PACS2: variants seen among roughly 807,000 people sequenced by gnomAD.
PACS2 encodes PACS1-like protein.
A neutral mutation model predicts 113.0 loss-of-function variants in PACS2; 36 were observed. The ratio of observed to expected loss-of-function variants is 0.32; its 90% CI spans 0.24 to 0.42. PACS2 has a LOEUF of 0.42. Among genes scored for constraint, PACS2 ranks in the 10% least tolerant of loss-of-function variants. PACS2 has a pLI of 1.00. For synonymous variants in PACS2, 589 were observed against 536.1 expected (o/e 1.10, Z -1.36); for missense variants, 1,015 against 1,239.5 (o/e 0.82, Z 2.72).
At position 105,391,581 on chromosome 14, in the gene PACS2, C is replaced by T. The variant is rs184698395; in HGVS notation, c.2120-50C>T. On this transcript the variant is annotated intron_variant, in intron 21 of 24. Transcript: ENST00000447393. ...CTGGTCCGGAGGGCCTGGTGGCACC[C>T]GGGCAGAGCAGCAGGTGGGCTCAGC... The T allele has an allele frequency of 6.8e-4, 1,069 of 1,580,456 alleles. 15 individuals are homozygous for T. The East Asian group carries it at 0.018, about 27-fold the overall frequency.
At chr14:105,336,268 A>C (rs765405281) in intron 1 of PACS2, among the ~76,000 whole-genome samples, 1 of 152,192 alleles carries the variant, frequency 6.6e-6, no homozygotes, top group African/African-American at 2.4e-5. Context: ...TGGGGTTGAC[A>C]TGCGCCTCGA....
rs1396336288 is a variant in PACS2, at chr14:105,356,407, C to G, written c.423+1230C>G. Among the ~76,000 whole-genome samples, 2 of 152,224 alleles carry G rather than the reference C, an allele frequency of 1.3e-5. No homozygotes were observed. Among genetic ancestry groups the G allele is most frequent in the Non-Finnish European group, 2.9e-5 (2 of 68,024 alleles). Reference sequence around the variant, plus strand: ...ACAAGCTTTGCAGTCTTCCCGATTCCTTCGGCAAACCACGGACAGCACGGG... The same window carrying G: ...ACAAGCTTTGCAGTCTTCCCGATTCGTTCGGCAAACCACGGACAGCACGGG... On this transcript the variant is annotated intron_variant, in intron 4 of 24. Coordinates refer to ENST00000447393, the MANE Select transcript of PACS2 (RefSeq NM_001100913.3). This position sits in a 1 kb window ranked among gnomAD's most constrained non-coding sequence, Gnocchi z 4.0.
rs587709569 is a variant in PACS2 at position 105,333,822 on chromosome 14, G to A, written c.120-14671G>A. Among the ~76,000 whole-genome samples the A allele has an allele frequency of 3.9e-5, 6 of 152,356 alleles. No homozygotes were observed. The East Asian group carries it at 1.2e-3, about 29-fold the overall frequency. Reference sequence around the variant, plus strand: ...CCATGGCAGGGCTGCCCAGGACAGGGGCTTGGCCCCGGAGGCCTGCAGTGT... The same window carrying A: ...CCATGGCAGGGCTGCCCAGGACAGGAGCTTGGCCCCGGAGGCCTGCAGTGT... On this transcript the variant is annotated intron_variant, in intron 1 of 24. Coordinates refer to ENST00000447393, the MANE Select transcript of PACS2 (RefSeq NM_001100913.3).
rs1299432458 is a variant in PACS2 at position 105,376,419 on chromosome 14, T to C, written c.802-349T>C. 6.6e-6 allele frequency among the ~76,000 whole-genome samples: 1 copy of C among 152,022 alleles called. No individual in the cohort carries two copies. Among genetic ancestry groups the C allele is most frequent in the Non-Finnish European group, 1.5e-5 (1 of 67,994 alleles). ...AAGGCAAAGGGGAGCCTCCTGGGTG[T>C]GGGGAGCACTTTCTGTCTTGGTTTT... is the stretch of plus-strand genomic sequence containing the variant. On this transcript the variant is annotated intron_variant, in intron 8 of 24. Coordinates refer to ENST00000447393, the MANE Select transcript of PACS2 (RefSeq NM_001100913.3). The surrounding 1 kb of genome is among the most constrained non-coding windows in gnomAD (Gnocchi z 4.7).
At chr14:105,363,015 C>CT (rs1340436896) in intron 4 of PACS2, among the ~76,000 whole-genome samples, 1 of 152,004 alleles carries the variant, frequency 6.6e-6, no homozygotes, top group African/African-American at 2.4e-5. Flanking sequence ...TGAAAGGAAC[C>CT]TTTTTTTTCC....
chr14:105,389,737 CATGTCAGA>C (rs2081293398), intron 19 of PACS2: 8 of 590,700 alleles, frequency 1.4e-5, no homozygotes, highest in South Asian at 2.0e-5. Context: ...AGCATGTCAG[CATGTCAGA>C]AGGGGCCCAG....
chr14:105,314,534 G>C (rs1450378377), upstream of PACS2: 2 of 147,238 alleles, frequency 1.4e-5, no homozygotes, highest in Non-Finnish European at 3.0e-5. Flanking sequence ...CGGCGGGCGG[G>C]GACGCCCCGT....
rs28459604 is a variant in PACS2 at position 105,356,871 on chromosome 14, T to G, written c.423+1694T>G. Among the ~76,000 whole-genome samples the G allele has an allele frequency of 1.3e-4, 16 of 123,454 alleles. No individual in the cohort carries two copies. The highest frequency in any genetic ancestry group is 2.8e-4 in the African/African-American group (7 of 25,418). 81.0% of individuals were successfully genotyped at this position (123,454 alleles called of 152,430 possible). ...GGTCCCTGTGTTTCCCATTAGCCAT[T>G]CAGGCGATGTCCTGCTGATCCCTGC... On this transcript the variant is annotated intron_variant, in intron 4 of 24. Transcript: ENST00000447393. The surrounding 1 kb of genome is among the most constrained non-coding windows in gnomAD (Gnocchi z 4.0).
rs2058724336 is a variant in PACS2, at chr14:105,317,533, C to CTGGGTTGGGTG, written c.119+2496_119+2497insTGGGTTGGGTG. On this transcript the variant is annotated intron_variant, in intron 1 of 24. Transcript: ENST00000447393. The surrounding 1 kb of genome is among the most constrained non-coding windows in gnomAD (Gnocchi z 4.2). ...CAGTCTGGTGGGTGTGAAGTGGTATCGTGGTTTTAACTTGAATTTCTCTGA... is the reference window on the plus strand; with the variant it reads ...CAGTCTGGTGGGTGTGAAGTGGTATCTGGGTTGGGTGGTGGTTTTAACTTGAATTTCTCTGA... Among the ~76,000 whole-genome samples, 1 of 152,188 alleles carries CTGGGTTGGGTG rather than the reference C, an allele frequency of 6.6e-6. No homozygotes were observed. The highest frequency in any genetic ancestry group is 2.4e-5 in the African/African-American group (1 of 41,452).
intron 1 of PACS2, among the ~76,000 whole-genome samples, chr14:105,305,613 C>A (rs2058164128): frequency 6.6e-6 from 1 of 152,152 alleles, no homozygotes; most frequent in African/African-American, 2.4e-5. Context: ...TGTGAACCAA[C>A]TGAGGCAGGG....
rs2060565137 is a variant in PACS2 at position 105,358,991 on chromosome 14, C to T, written c.423+3814C>T. Among the ~76,000 whole-genome samples, 1 of 152,224 alleles carries T rather than the reference C, an allele frequency of 6.6e-6. No individual in the cohort carries two copies. Among genetic ancestry groups the T allele is most frequent in the African/African-American group, 2.4e-5 (1 of 41,454 alleles). Reference sequence around the variant, plus strand: ...CTGGACACTTCCTATCTCCTGATGACATGGTAGCCATCGTAACACCATAGC... The same window carrying T: ...CTGGACACTTCCTATCTCCTGATGATATGGTAGCCATCGTAACACCATAGC... On this transcript the variant is annotated intron_variant, in intron 4 of 24. Coordinates refer to ENST00000447393, the MANE Select transcript of PACS2 (RefSeq NM_001100913.3). This position sits in a 1 kb window ranked among gnomAD's most constrained non-coding sequence, Gnocchi z 4.9.
intron 1 of PACS2, among the ~76,000 whole-genome samples, chr14:105,341,870 G>T (rs1392719841): frequency 6.6e-6 from 1 of 152,190 alleles, no homozygotes; most frequent in African/African-American, 2.4e-5. Flanking sequence ...CTACGGGACC[G>T]CAAGCTGCGA....
rs993304528 is a variant in PACS2 at position 105,315,870 on chromosome 14, TAGAC to T, written c.119+836_119+839del. Among the ~76,000 whole-genome samples, 3 of 152,208 alleles carry T rather than the reference TAGAC, an allele frequency of 2.0e-5. No individual in the cohort carries two copies. Among genetic ancestry groups the T allele is most frequent in the Non-Finnish European group, 2.9e-5 (2 of 68,030 alleles). On this transcript the variant is annotated intron_variant, in intron 1 of 24. Coordinates refer to ENST00000447393, the MANE Select transcript of PACS2 (RefSeq NM_001100913.3). This position sits in a 1 kb window ranked among gnomAD's most constrained non-coding sequence, Gnocchi z 4.4. ...CTCCGGAAAAGTTCTGGTTCTAGAA[TAGAC>T]AGCAGGCGAGAAGAGGAGGCGGTTG...
intron 1 of PACS2, among the ~76,000 whole-genome samples, chr14:105,316,829 G>C (rs909135571): frequency 6.6e-6 from 1 of 152,154 alleles, no homozygotes; most frequent in Non-Finnish European, 1.5e-5. Flanking sequence ...TTGGGAGGAA[G>C]GGTAGGCAGG....
intron 8 of PACS2, chr14:105,374,741 G>C (rs587620302): frequency 1.3e-5 from 2 of 152,234 alleles, no homozygotes; most frequent in African/African-American, 4.8e-5. Context: ...TGAGGGGCAC[G>C]GAGAAAAACA....
Position 105,376,991 on chromosome 14 carries a change from C to A in PACS2, c.959+66C>A. On this transcript the variant is annotated intron_variant, in intron 9 of 24. Transcript: ENST00000447393. This position sits in a 1 kb window ranked among gnomAD's most constrained non-coding sequence, Gnocchi z 4.7. ...AGATGCCCCGGCCACTCTGCGACCA[C>A]TCTGGCAGACCCATGTCCAGCCCTG... The A allele has an allele frequency of 6.8e-7, 1 of 1,477,132 alleles. No homozygotes were observed. The highest frequency in any genetic ancestry group is 9.1e-7 in the Non-Finnish European group (1 of 1,093,940). The allele number at this position is 1,477,132 out of a possible 1,614,324, so 91.5% of individuals were successfully genotyped here.
intron 7 of PACS2, among the ~76,000 whole-genome samples, chr14:105,369,262 G>A (rs914045806): frequency 3.3e-5 from 5 of 152,372 alleles, no homozygotes; most frequent in Admixed American, 1.3e-4. Context: ...AGCAGCCCCC[G>A]CTGTGCAGAA....
chr14:105,374,391 G>GT (rs1353123222), intron 8 of PACS2, among the ~76,000 whole-genome samples: 3 of 152,138 alleles, frequency 2.0e-5, no homozygotes, highest in Admixed American at 1.3e-4. Flanking sequence ...ACAGAAGAAT[G>GT]TTTTTTGCAA....
chr14:105,385,610 C>T (rs782072442), intron 18 of PACS2, 75 bp from the exon 19 acceptor site: 31 of 1,011,672 alleles, frequency 3.1e-5, no homozygotes, highest in Non-Finnish European at 4.1e-5. Flanking sequence ...CCACTGAGTG[C>T]CCTCGGCGGT....
Sources: gnomAD v4.1 joint callset for allele counts (sites outside exome capture counted in the v4.1 genomes callset) on GRCh38, gnomAD v4.1.1 for gene constraint, Gnocchi (gnomAD v3.1) non-coding constraint, MANE v1.5 for transcripts, NCBI Gene and HGNC (gene_info 2026-07-23, HGNC 2026-07-21) for gene names.